Variants in PLXNA1 observed in about 807,000 individuals in gnomAD.
The protein encoded by PLXNA1 is plexin A1.
Under a neutral mutation model 191.7 loss-of-function variants are expected in PLXNA1, and 77 were observed. The ratio of observed to expected loss-of-function variants is 0.40; its 90% CI spans 0.33 to 0.49. PLXNA1 has a LOEUF of 0.49. Ranked by LOEUF, PLXNA1 falls within the 20% of genes least tolerant of loss-of-function variation. The probability of loss-of-function intolerance (pLI) is 0.63; values close to 1 mark genes in which losing one functional copy is unlikely to be tolerated. For missense variants in PLXNA1, 2,110 were observed against 2,660.2 expected (o/e 0.79, Z 4.55); for synonymous variants, 1,137 against 1,156.4 (o/e 0.98, Z 0.34).
intron 23 of PLXNA1, 73 bp downstream of exon 23, chr3:127,022,891 G>A: frequency 7.7e-7 from 1 of 1,304,030 alleles, no homozygotes; most frequent in Non-Finnish European, 1.1e-6. Context: ...GAGAGGTGGG[G>A]ATTAGTGGGA....
chr3:127,003,110 G>T (rs1160901966), intron 3 of PLXNA1, among the ~76,000 whole-genome samples: 1 of 150,868 alleles, frequency 6.6e-6, no homozygotes, highest in Non-Finnish European at 1.5e-5. Context: ...ATCACAGACT[G>T]GCCTGTTGGG....
At position 127,014,534 on chromosome 3, in the gene PLXNA1, G is replaced by C. The variant is rs2079112840; in HGVS notation, c.2661G>C (p.Glu887Asp). The change falls in exon 13 of 32, where the codon GAG (glutamate) becomes GAC (aspartate). Residue 887 changes from glutamate (E) to aspartate (D), a missense_variant. By Grantham distance (45) the Glu-to-Asp change is conservative. This residue lies in a region of PLXNA1 where 644 missense variants were observed against 714.3 expected (regional missense o/e 0.90). Transcript: ENST00000393409. ...QGGTRLTITG[E>D]NLGLRFEDVR... is the part of the protein sequence containing the mutation. Reference sequence around the variant, plus strand: ...GCACGCGGCTCACTATCACAGGCGAGAACCTGGGCCTGCGATTCGAAGACG... The same window carrying C: ...GCACGCGGCTCACTATCACAGGCGACAACCTGGGCCTGCGATTCGAAGACG... 1 of 1,610,770 alleles carries C rather than the reference G, an allele frequency of 6.2e-7. No individual in the cohort carries two copies. The highest frequency in any genetic ancestry group is 1.7e-5 in the Admixed American group (1 of 59,998).
chr3:126,994,135 CTGAG>C (rs2079004174), intron 3 of PLXNA1, among the ~76,000 whole-genome samples: 1 of 152,224 alleles, frequency 6.6e-6, no homozygotes, highest in East Asian at 1.9e-4. Context: ...GGTGGGGAAA[CTGAG>C]TGCTCAAGGC....
Position 127,028,272 on chromosome 3 carries a change from A to C in PLXNA1, c.4601A>C (p.Lys1534Thr). The part of the protein sequence containing the change: ...DCDTVTQAKE[K>T]LLDAAYKGVP... ...GACACGGTCACCCAGGCCAAGGAGAAGCTGCTGGACGCTGCCTACAAGGGC... is the reference window on the plus strand; with the variant it reads ...GACACGGTCACCCAGGCCAAGGAGACGCTGCTGGACGCTGCCTACAAGGGC... Residue 1534 changes from lysine to threonine, a missense_variant, in exon 25 of 32, where the codon AAG (lysine) becomes ACG (threonine). This residue lies in a region of PLXNA1 where 559 missense variants were observed against 911.5 expected (regional missense o/e 0.61). Coordinates refer to ENST00000393409, the MANE Select transcript of PLXNA1 (RefSeq NM_032242.4). 1 of 1,612,886 alleles carries C rather than the reference A, an allele frequency of 6.2e-7. No individual in the cohort carries two copies. The highest frequency in any genetic ancestry group is 8.5e-7 in the Non-Finnish European group (1 of 1,179,980).
intron 4 of PLXNA1, 26 bp from the exon 5 acceptor site, chr3:127,004,585 G>A: frequency 6.5e-7 from 1 of 1,529,064 alleles, no homozygotes. Context: ...TGGTACTGGA[G>A]GGGCCTGACA....
intron 19 of PLXNA1, 124 bp downstream of exon 19, chr3:127,018,016 G>C (rs2079133463): frequency 2.2e-6 from 3 of 1,342,046 alleles, no homozygotes; most frequent in Non-Finnish European, 3.0e-6. Context: ...AGGGCGCCCG[G>C]CTCCAGTGCA....
At chr3:127,021,272 T>A (rs575088967) in intron 21 of PLXNA1, among the ~76,000 whole-genome samples, 6 of 152,344 alleles carry the variant, frequency 3.9e-5, no homozygotes, top group Admixed American at 1.3e-4. Flanking sequence ...TCTCTTTCAG[T>A]GCCTCCATTT....
In PLXNA1 at chr3:127,014,547, C is replaced by T. The variant is rs766352439; in HGVS notation, c.2674C>T (p.Arg892Ter). 3.1e-6 allele frequency: 5 copies of T among 1,611,596 alleles called. No homozygotes were observed. The highest frequency in any genetic ancestry group is 2.5e-6 in the Non-Finnish European group (3 of 1,179,864). Residue 892 changes from arginine (R) to a stop codon, truncating the protein, a stop_gained, in exon 13 of 32, where the codon CGA becomes TGA. Coordinates refer to ENST00000393409, the MANE Select transcript of PLXNA1 (RefSeq NM_032242.4). LOFTEE classifies it high-confidence loss of function. Reference protein sequence around the residue: ...LTITGENLGLRFEDVRLGVRV... With the variant: ...LTITGENLGL Reference sequence around the variant, plus strand: ...TATCACAGGCGAGAACCTGGGCCTGCGATTCGAAGACGTGCGTCTGGGCGT... The same window carrying T: ...TATCACAGGCGAGAACCTGGGCCTGTGATTCGAAGACGTGCGTCTGGGCGT...
At chr3:127,033,805 G>C (rs2079224609) in intron 31 of PLXNA1, 117 bp from the exon 32 acceptor site, 3 of 813,480 alleles carry the variant, frequency 3.7e-6, no homozygotes, top group Non-Finnish European at 5.9e-6. Flanking sequence ...AAGGTCCTTT[G>C]GCCAGGGGTA....
chr3:127,027,798 T>A lies in PLXNA1; in HGVS notation c.4363-142T>A, dbSNP rs145586877. ...CTCTGCTGGGCTTTGGGACTAAGGC[T>A]GTACTTGCCTCCCAAAGAGTTGGGA... On this transcript the variant is annotated intron_variant, in intron 23 of 31. Coordinates refer to ENST00000393409, the MANE Select transcript of PLXNA1 (RefSeq NM_032242.4). 3 of 1,091,690 alleles carry A rather than the reference T, an allele frequency of 2.7e-6. No individual in the cohort carries two copies. In the East Asian group the frequency reaches 7.7e-5, roughly 28 times the overall value. The allele number at this position is 1,091,690 out of a possible 1,614,324, so 67.6% of individuals were successfully genotyped here.
chr3:127,028,649 G>C (rs2079189093), intron 25 of PLXNA1: 1 of 510,356 alleles, frequency 2.0e-6, no homozygotes, highest in Admixed American at 3.5e-5. Context: ...GGCCAGAGGG[G>C]ATGGGACGGG....
chr3:127,008,726 C>T (rs2079080734), intron 9 of PLXNA1, among the ~76,000 whole-genome samples: 1 of 152,078 alleles, frequency 6.6e-6, no homozygotes, highest in Non-Finnish European at 1.5e-5. Flanking sequence ...AGCTGGGCTG[C>T]ACTTCCCTGC....
intron 8 of PLXNA1, among the ~76,000 whole-genome samples, chr3:127,007,198 C>G (rs955352458): frequency 6.6e-6 from 1 of 152,098 alleles, no homozygotes; most frequent in African/African-American, 2.4e-5. Flanking sequence ...TGGTGTCTTC[C>G]TGGAGGCTGT....
rs1437336947 is a variant in PLXNA1, at chr3:126,988,940, A to AGCT, written c.358_360dup (p.Leu120dup). The AGCT allele has an allele frequency of 6.2e-7, 1 of 1,612,962 alleles. No individual in the cohort carries two copies. The highest frequency in any genetic ancestry group is 8.5e-7 in the Non-Finnish European group (1 of 1,179,954). ...CTGGGCAGTACTGACAACGTCAACA[A>AGCT]GCTGCTGCTGCTGGACTATGCCGCT... On this transcript the variant is annotated inframe_insertion, in exon 2 of 32. Coordinates refer to ENST00000393409, the MANE Select transcript of PLXNA1 (RefSeq NM_032242.4).
Position 127,025,436 on chromosome 3 carries a change from A to G in PLXNA1, c.4363-2504A>G, listed in dbSNP as rs575271289. On this transcript the variant is annotated intron_variant, in intron 23 of 31. Transcript: ENST00000393409. ...TGTAGTGTGCCACAAACTTAAAAAA[A>G]TTTGTTATGGTGAAATACACATGAC... Among the ~76,000 whole-genome samples the G allele has an allele frequency of 2.6e-5, 4 of 152,348 alleles. No individual in the cohort carries two copies. In the South Asian group the frequency reaches 8.3e-4, roughly 32 times the overall value.
rs368927985 is a variant in PLXNA1 at position 127,028,967 on chromosome 3, C to T, written c.4670-26C>T. ...GAGGGAAAGAGGGCCCCAGCGGCCC[C>T]ACCCTCCAGCTCCCTCCTCCCCCAG... On this transcript the variant is annotated intron_variant, in intron 25 of 31. Coordinates refer to ENST00000393409, the MANE Select transcript of PLXNA1 (RefSeq NM_032242.4). 6.9e-6 allele frequency: 11 copies of T among 1,592,740 alleles called. No individual in the cohort carries two copies. The African/African-American group carries it at 1.5e-4, about 21-fold the overall frequency.
intron 29 of PLXNA1, 149 bp from the exon 30 acceptor site, chr3:127,032,238 A>G: frequency 1.4e-6 from 1 of 738,918 alleles, no homozygotes; most frequent in Non-Finnish European, 2.2e-6. Flanking sequence ...CCTTCACTTA[A>G]CCATGGGCCC....
rs567247021 is a variant in PLXNA1 at position 127,014,624 on chromosome 3, G to A, written c.2751G>A (p.Ala917=). 24 of 1,613,062 alleles carry A rather than the reference G, an allele frequency of 1.5e-5. No individual in the cohort carries two copies. The highest frequency in any genetic ancestry group is 9.3e-5 in the African/African-American group (7 of 75,054). Residue 917 remains alanine (A), a synonymous_variant, in exon 13 of 32, where the codon GCG becomes GCA. Coordinates refer to ENST00000393409, the MANE Select transcript of PLXNA1 (RefSeq NM_032242.4). ...CTGTGGAGAGCGAGTACATCAGTGC[G>A]GAGCAGTGAGTGCAGCCCTGGGTGT... ...CSPVESEYIS[A]EQIVCEIGDA...
chr3:127,016,771 G>A, intron 16 of PLXNA1, 87 bp downstream of exon 16: 1 of 1,493,794 alleles, frequency 6.7e-7, no homozygotes, highest in Non-Finnish European at 9.3e-7. Context: ...CTTGGCGGTG[G>A]CCCTCCTGCA....
Sources: gnomAD v4.1 joint callset for allele counts (sites outside exome capture counted in the v4.1 genomes callset) on GRCh38, gnomAD v4.1.1 for gene constraint, gnomAD v4.1.1 regional missense constraint, MANE v1.5 for transcripts, NCBI Gene and HGNC (gene_info 2026-07-23, HGNC 2026-07-21) for gene names.